Variants in RYR3 observed in about 807,000 individuals in gnomAD.
RYR3 encodes ryanodine receptor 3, also known as brain ryanodine receptor-calcium release channel.
Under a neutral mutation model 584.3 loss-of-function variants are expected in RYR3, and 207 were observed. The observed-to-expected ratio is 0.35, with a 90% CI of 0.32 to 0.40. The LOEUF (loss-of-function observed/expected upper bound fraction) is 0.40. Among genes scored for constraint, RYR3 ranks in the 10% least tolerant of loss-of-function variants. The pLI, the probability that RYR3 is intolerant of heterozygous loss-of-function variation, is 1.00. For missense variants in RYR3, 5,616 were observed against 6,089.2 expected (o/e 0.92, Z 2.59); for synonymous variants, 2,416 against 2,248.5 (o/e 1.07, Z -2.11).
In RYR3 at chr15:33,811,858, T is replaced by C. The variant is rs191130374; in HGVS notation, c.10257+821T>C. On this transcript the variant is annotated intron_variant, in intron 72 of 103. Transcript: ENST00000634891. ...ATATAATTTTCATGATAAAGGCTAT[T>C]TGAGATGTTTTAAAGCCTGTGAATC... Among the ~76,000 whole-genome samples the C allele has an allele frequency of 4.9e-3, 742 of 152,268 alleles. 5 individuals are homozygous for C. Among genetic ancestry groups the C allele is most frequent in the Non-Finnish European group, 9.1e-3 (616 of 68,010 alleles).
intron 14 of RYR3, 90 bp downstream of exon 14, chr15:33,581,733 C>T (rs927879703): frequency 4.3e-6 from 5 of 1,154,176 alleles, no homozygotes; most frequent in Non-Finnish European, 6.4e-6. Context: ...TGCCATTAAC[C>T]CTGTGATACT....
intron 59 of RYR3, 149 bp from the exon 60 acceptor site, chr15:33,757,326 G>A: frequency 1.2e-6 from 1 of 833,772 alleles, no homozygotes; most frequent in East Asian, 2.7e-5. Flanking sequence ...AAATACGATG[G>A]AAACTGGGAC....
At chr15:33,617,608 C>T (rs2060518307) in intron 19 of RYR3, among the ~76,000 whole-genome samples, 1 of 152,076 alleles carries the variant, frequency 6.6e-6, no homozygotes, top group Admixed American at 6.5e-5. Flanking sequence ...TTCCGTATGG[C>T]TTCTAAGTTA....
chr15:33,601,618 A>G (rs2059664147), intron 17 of RYR3, 66 bp downstream of exon 17: 2 of 1,581,646 alleles, frequency 1.3e-6, no homozygotes. Context: ...CAAGCAGGAA[A>G]AGAGGGCTCA....
At chr15:33,807,702 C>A (rs2076279933) in intron 70 of RYR3, 133 bp downstream of exon 70, 2 of 872,546 alleles carry the variant, frequency 2.3e-6, no homozygotes, top group Non-Finnish European at 3.7e-6. Flanking sequence ...CCCAGGCCTG[C>A]TCCAGGGAAG....
intron 9 of RYR3, among the ~76,000 whole-genome samples, chr15:33,549,279 C>T (rs2056491900): frequency 6.6e-6 from 1 of 152,122 alleles, no homozygotes; most frequent in South Asian, 2.1e-4. Flanking sequence ...ATGCGTACTT[C>T]TGGTTATGAT....
At chr15:33,589,782 CT>C (rs1459528821) in intron 16 of RYR3, among the ~76,000 whole-genome samples, 1 of 152,172 alleles carries the variant, frequency 6.6e-6, no homozygotes, top group Non-Finnish European at 1.5e-5. Flanking sequence ...AGCTATGTGG[CT>C]TTATTTCTAA....
intron 2 of RYR3, among the ~76,000 whole-genome samples, chr15:33,488,437 T>C (rs1191338319): frequency 1.4e-5 from 2 of 146,990 alleles, no homozygotes; most frequent in Admixed American, 6.9e-5. Context: ...ACTAATTAGA[T>C]CACAGTCTTG....
intron 1 of RYR3, among the ~76,000 whole-genome samples, chr15:33,382,314 A>T (rs2041245427): frequency 7.7e-6 from 1 of 130,610 alleles, no homozygotes. Flanking sequence ...TAATTTTAAA[A>T]GTGGCTTTTT....
intron 78 of RYR3, 42 bp from the exon 79 acceptor site, chr15:33,821,228 G>C: frequency 6.7e-7 from 1 of 1,498,474 alleles, no homozygotes; most frequent in Non-Finnish European, 9.1e-7. Context: ...CCCTGGTGCT[G>C]GGTAGGAACC....
intron 43 of RYR3, among the ~76,000 whole-genome samples, chr15:33,718,945 GTCTC>G (rs1215354152): frequency 2.6e-5 from 4 of 152,192 alleles, no homozygotes; most frequent in Middle Eastern, 3.4e-3. Flanking sequence ...TTTACCTCAA[GTCTC>G]TCTCTCTCCC....
At chr15:33,594,877 A>G (rs929967220) in intron 16 of RYR3, among the ~76,000 whole-genome samples, 3 of 152,252 alleles carry the variant, frequency 2.0e-5, no homozygotes, top group African/African-American at 4.8e-5. Flanking sequence ...CTGATAATGT[A>G]CACTAAGGTA....
intron 38 of RYR3, among the ~76,000 whole-genome samples, chr15:33,691,987 A>G (rs181220393): frequency 4.6e-5 from 7 of 152,250 alleles, no homozygotes; most frequent in Admixed American, 1.3e-4. Flanking sequence ...CTTAAAGGGT[A>G]TCTAAAGGGT....
intron 15 of RYR3, among the ~76,000 whole-genome samples, chr15:33,584,988 C>T (rs611761): frequency 0.29 from 44,047 of 151,946 alleles, 6,867 homozygotes; most frequent in Middle Eastern, 0.46. Flanking sequence ...ATAGTCCTCC[C>T]TCATGACTTA....
chr15:33,696,199 C>T lies in RYR3; in HGVS notation c.5861-19C>T. On this transcript the variant is annotated intron_variant, in intron 38 of 103. Coordinates refer to ENST00000634891, the MANE Select transcript of RYR3 (RefSeq NM_001036.6). ...AGCCATGACAGCCACAGTCCTGCTC[C>T]CTCCTGTTGTCCTTCCAGCAACATT... The T allele has an allele frequency of 6.2e-7, 1 of 1,608,656 alleles. No homozygotes were observed. Among genetic ancestry groups the T allele is most frequent in the Non-Finnish European group, 8.5e-7 (1 of 1,176,570 alleles).
At chr15:33,857,641 T>C in intron 98 of RYR3, 139 bp from the exon 99 acceptor site, 2 of 1,011,122 alleles carry the variant, frequency 2.0e-6, no homozygotes, top group Non-Finnish European at 1.5e-6. Flanking sequence ...ATAGCTTTCT[T>C]AGCCGCCCTC....
At chr15:33,642,876 A>AT (rs2152668322) in intron 27 of RYR3, among the ~76,000 whole-genome samples, 1 of 152,298 alleles carries the variant, frequency 6.6e-6, no homozygotes, top group Admixed American at 6.5e-5. Context: ...CATCACTGCC[A>AT]TTTTGCTAGG....
intron 2 of RYR3, among the ~76,000 whole-genome samples, chr15:33,478,756 C>T (rs563324364): frequency 6.6e-6 from 1 of 152,346 alleles, no homozygotes; most frequent in African/African-American, 2.4e-5. Context: ...AATACCCTTC[C>T]AAATCCCAAC....
intron 38 of RYR3, among the ~76,000 whole-genome samples, chr15:33,681,525 G>A (rs1051866511): frequency 2.0e-5 from 3 of 152,132 alleles, no homozygotes; most frequent in Non-Finnish European, 4.4e-5. Context: ...GAGTTGGAGG[G>A]ACATTATTTA....
Sources: gnomAD v4.1 joint callset for allele counts (sites outside exome capture counted in the v4.1 genomes callset) on GRCh38, gnomAD v4.1.1 for gene constraint, MANE v1.5 for transcripts, NCBI Gene and HGNC (gene_info 2026-07-23, HGNC 2026-07-21) for gene names.